The following STIL variants were observed in gnomAD, a reference collection of about 807,000 sequenced individuals.
The protein encoded by STIL is STIL centriolar assembly protein.
STIL carries 55 observed loss-of-function variants against 110.1 expected under a neutral mutation model. The observed-to-expected ratio is 0.50, with a 90% CI of 0.40 to 0.63. STIL has a LOEUF of 0.63. STIL is among the 20% of genes least tolerant of loss of function. The pLI is 0.00. For missense variants in STIL, 1,358 were observed against 1,530.0 expected, an observed-to-expected ratio of 0.89 and a Z score of 1.87; for synonymous variants, 481 against 530.0, an observed-to-expected ratio of 0.91 and a Z score of 1.27.
At chr1:47,298,953 G>T (rs962439569) in intron 6 of STIL, among the ~76,000 whole-genome samples, 1 of 151,354 alleles carries the variant, frequency 6.6e-6, no homozygotes, top group African/African-American at 2.4e-5. Context: ...GTTTCACCAT[G>T]TTGGTGAGGC....
At position 47,272,204 on chromosome 1, in the gene STIL, C is replaced by G. The variant is rs2148877579; in HGVS notation, c.2255G>C (p.Cys752Ser). 6.2e-7 allele frequency: 1 copy of G among 1,614,146 alleles called. No homozygotes were observed. The highest frequency in any genetic ancestry group is 1.6e-4 in the Middle Eastern group (1 of 6,062). The change falls in exon 13 of 17, where the codon TGT becomes TCT. Residue 752 changes from cysteine to serine, a missense_variant. By Grantham distance (112) the Cys-to-Ser change is moderately radical. Transcript: ENST00000371877. Reference sequence around the variant, plus strand: ...TTCAACAGCAGTTGTCTTAGGGGAACAGGGCATCAGAGACTGTGCTTCCAA... The same window carrying G: ...TTCAACAGCAGTTGTCTTAGGGGAAGAGGGCATCAGAGACTGTGCTTCCAA... Reference protein sequence around the residue: ...RLLEAQSLMPCSPKTTAVEDT... With the variant: ...RLLEAQSLMPSSPKTTAVEDT...
intron 8 of STIL, among the ~76,000 whole-genome samples, chr1:47,289,920 A>G (rs1307607414): frequency 6.8e-6 from 1 of 147,062 alleles, no homozygotes; most frequent in African/African-American, 2.6e-5. Flanking sequence ...CCTGGGCGAC[A>G]GAGCAAGACT....
intron 8 of STIL, 113 bp from the exon 9 acceptor site, chr1:47,289,698 T>C: frequency 9.0e-7 from 1 of 1,109,292 alleles, no homozygotes; most frequent in Non-Finnish European, 1.3e-6. Flanking sequence ...AGGTGCAATT[T>C]TTGTTCAAAA....
chr1:47,259,259 T>G (rs1311602673), intron 16 of STIL, among the ~76,000 whole-genome samples: 3 of 147,286 alleles, frequency 2.0e-5, no homozygotes, highest in African/African-American at 7.6e-5. Flanking sequence ...GTGCTGGGAT[T>G]ACAGGTGTGA....
intron 14 of STIL, among the ~76,000 whole-genome samples, chr1:47,263,450 A>G (rs2148761459): frequency 6.6e-6 from 1 of 152,342 alleles, no homozygotes; most frequent in Non-Finnish European, 1.5e-5. Context: ...GAGGCTGAGC[A>G]AGAGGATCAC....
chr1:47,281,320 T>C, intron 11 of STIL, 111 bp from the exon 12 acceptor site: 2 of 1,151,804 alleles, frequency 1.7e-6, no homozygotes, highest in Non-Finnish European at 2.4e-6. Context: ...TATTAACAAG[T>C]GTTCATTCTT....
rs773773096 is a variant in STIL, at chr1:47,280,958, C to T, written c.1500G>A (p.Leu500=). Reference sequence around the variant, plus strand: ...GTGGCTGTCTTACTTTGCAGTGTCTCAAAAGAGCTGGTTTATCCTGGTTTA... The same window carrying T: ...GTGGCTGTCTTACTTTGCAGTGTCTTAAAAGAGCTGGTTTATCCTGGTTTA... ...NQLNQDKPAL[L]RHCKVRQPPA... Residue 500 remains leucine (L), a synonymous_variant, in exon 12 of 17, where the codon TTG becomes TTA. Transcript: ENST00000371877. 2 of 1,613,958 alleles carry T rather than the reference C, an allele frequency of 1.2e-6. No individual in the cohort carries two copies. The highest frequency in any genetic ancestry group is 3.3e-5 in the Admixed American group (2 of 59,976).
chr1:47,301,306 T>C (rs895603204), intron 5 of STIL, among the ~76,000 whole-genome samples: 1 of 152,110 alleles, frequency 6.6e-6, no homozygotes, highest in African/African-American at 2.4e-5. Context: ...TCAGCAAAAA[T>C]GTATACTCTA....
chr1:47,311,774 T>TG (rs1214237879), intron 1 of STIL, among the ~76,000 whole-genome samples: 1 of 152,142 alleles, frequency 6.6e-6, no homozygotes, highest in Non-Finnish European at 1.5e-5. Context: ...AGGCCAGGTG[T>TG]GGGAGCTCAT....
At chr1:47,313,486 G>A (rs1015194382) in intron 1 of STIL, among the ~76,000 whole-genome samples, 2 of 151,750 alleles carry the variant, frequency 1.3e-5, no homozygotes, top group East Asian at 1.9e-4. Context: ...GCAGTGCCCC[G>A]GTTTCAATAT....
Position 47,295,143 on chromosome 1 carries a change from G to C in STIL, c.785+622C>G, listed in dbSNP as rs141353421. On this transcript the variant is annotated intron_variant, in intron 7 of 16. Coordinates refer to ENST00000371877, the MANE Select transcript of STIL (RefSeq NM_001048166.1). ...TCACCATGTTATCCAGGCTGGCCTT[G>C]AACTCCTGACCTCGAACTCCTGACC... 2.3e-3 allele frequency among the ~76,000 whole-genome samples: 341 copies of C among 150,888 alleles called. 1 individual carries two copies. Among genetic ancestry groups the C allele is most frequent in the African/African-American group, 8.0e-3 (323 of 40,406 alleles).
At chr1:47,265,260 A>AAAC (rs1553170532) in intron 14 of STIL, among the ~76,000 whole-genome samples, 15 of 148,416 alleles carry the variant, frequency 1.0e-4, no homozygotes, top group East Asian at 6.1e-4. Context: ...AAAAAAAAAA[A>AAAC]CACAAGATTG....
intron 7 of STIL, among the ~76,000 whole-genome samples, chr1:47,293,807 A>T (rs1241310810): frequency 6.6e-6 from 1 of 152,204 alleles, no homozygotes; most frequent in African/African-American, 2.4e-5. Flanking sequence ...AAGCACGCGT[A>T]TCTCTGTCCT....
chr1:47,251,249 T>C lies in STIL; in HGVS notation c.3754A>G (p.Ile1252Val), dbSNP rs142210835. The C allele has an allele frequency of 8.1e-6, 13 of 1,611,144 alleles. No homozygotes were observed. Among genetic ancestry groups the C allele is most frequent in the Middle Eastern group, 1.6e-4 (1 of 6,072 alleles). Residue 1252 changes from isoleucine to valine, a missense_variant, in exon 17 of 17, where the codon ATT becomes GTT. By Grantham distance (29) the Ile-to-Val change is conservative. Coordinates refer to ENST00000371877, the MANE Select transcript of STIL (RefSeq NM_001048166.1). ...GAAGGTTGCAAACTTTCAGGAAAAA[T>C]TGTAATGTCCCCTTCATTTTCTTTC... ...PEKENEGDIT[I>V]FPESLQPSET...
intron 7 of STIL, among the ~76,000 whole-genome samples, chr1:47,295,147 T>G (rs1157728548): frequency 2.6e-5 from 4 of 151,936 alleles, no homozygotes; most frequent in Non-Finnish European, 5.9e-5. Flanking sequence ...GGCCTTGAAC[T>G]CCTGACCTCG....
rs910473772 is a variant in STIL at position 47,302,305 on chromosome 1, G to A, written c.194C>T (p.Ala65Val). Residue 65 changes from alanine to valine, a missense_variant, in exon 4 of 17, where the codon GCT becomes GTT. Coordinates refer to ENST00000371877, the MANE Select transcript of STIL (RefSeq NM_001048166.1). Reference sequence around the variant, plus strand: ...TTTATTCTGCTTAGCATGACGATAAGCAAGTCGGATGGTCTTCTCAGTCAC... The same window carrying A: ...TTTATTCTGCTTAGCATGACGATAAACAAGTCGGATGGTCTTCTCAGTCAC... ...LVVTEKTIRLAYRHAKQNKKN... is the reference protein window; with the variant it reads ...LVVTEKTIRLVYRHAKQNKKN... 1 of 1,614,060 alleles carries A rather than the reference G, an allele frequency of 6.2e-7. No homozygotes were observed. The highest frequency in any genetic ancestry group is 8.5e-7 in the Non-Finnish European group (1 of 1,180,014).
At chr1:47,293,412 G>C in intron 8 of STIL, 46 bp downstream of exon 8, 1 of 1,484,618 alleles carries the variant, frequency 6.7e-7, no homozygotes, top group African/African-American at 1.4e-5. Flanking sequence ...ACTATGAATG[G>C]GGGAAAGGAT....
chr1:47,271,153 T>C (rs1000042563), intron 13 of STIL, among the ~76,000 whole-genome samples: 1 of 152,218 alleles, frequency 6.6e-6, no homozygotes, highest in South Asian at 2.1e-4. Context: ...GGAAAAGATA[T>C]ATTTACAAAA....
intron 16 of STIL, among the ~76,000 whole-genome samples, chr1:47,256,435 A>T (rs1263212332): frequency 6.6e-6 from 1 of 150,934 alleles, no homozygotes; most frequent in Non-Finnish European, 1.5e-5. Context: ...AGCCTGGCCA[A>T]TATAGTGAAA....
Sources: gnomAD v4.1 joint callset for allele counts (sites outside exome capture counted in the v4.1 genomes callset) on GRCh38, gnomAD v4.1.1 for gene constraint, MANE v1.5 for transcripts, NCBI Gene and HGNC (gene_info 2026-07-23, HGNC 2026-07-21) for gene names.